FANCC: variants seen among roughly 807,000 people sequenced by gnomAD.
FANCC encodes FA complementation group C.
Under a neutral mutation model 71.3 loss-of-function variants are expected in FANCC, and 55 were observed. That is an observed-to-expected ratio of 0.77 (90% CI 0.62 to 0.97). FANCC has a LOEUF of 0.97. FANCC is among the 50% of genes least tolerant of loss of function. The pLI is 0.00. For missense variants in FANCC, 678 were observed against 670.9 expected (o/e 1.01, Z -0.12); for synonymous variants, 275 against 244.9 (o/e 1.12, Z -1.15).
Position 95,099,156 on chromosome 9 carries a change from T to C in FANCC, c.*2551A>G, listed in dbSNP as rs1333055170. 9.2e-6 allele frequency: 2 copies of C among 216,446 alleles called. No homozygotes were observed. The highest frequency in any genetic ancestry group is 4.5e-5 in the African/African-American group (2 of 44,318). The allele number at this position is 216,446 out of a possible 1,614,324, so 13.4% of individuals were successfully genotyped here. A position where few individuals can be genotyped will look rare whatever the true frequency, so the allele number is the denominator to read the frequency against. ...ACAGATGTCACGGAGTCCAGGGGAA[T>C]AACAGCCTGGTTGGAGGGGCGCTCT... On this transcript the variant is annotated 3_prime_UTR_variant, in exon 15 of 15. Transcript: ENST00000289081.
chr9:95,189,532 G>T (rs1041313504), intron 4 of FANCC, among the ~76,000 whole-genome samples: 3 of 152,112 alleles, frequency 2.0e-5, no homozygotes, highest in Non-Finnish European at 2.9e-5. Context: ...TAGTTCCGGG[G>T]GGGGAAATAG....
At chr9:95,195,645 A>G (rs1827408126) in intron 4 of FANCC, among the ~76,000 whole-genome samples, 1 of 152,228 alleles carries the variant, frequency 6.6e-6, no homozygotes, top group Non-Finnish European at 1.5e-5. Context: ...TATGAATATA[A>G]AAAGCCTTGC....
intron 4 of FANCC, among the ~76,000 whole-genome samples, chr9:95,204,917 G>C (rs1828025980): frequency 6.6e-6 from 1 of 152,110 alleles, no homozygotes; most frequent in Admixed American, 6.5e-5. Flanking sequence ...GCCCAAAATA[G>C]CTTCAAAATA....
In FANCC at chr9:95,240,847, C is replaced by A. The variant is rs533370573; in HGVS notation, c.251-104G>T. ...GGAAAATCTCAAACTACTAAGTTCA[C>A]AGAACAAGTATCCCTGAATATAACA... On this transcript the variant is annotated intron_variant, in intron 3 of 14. Transcript: ENST00000289081. 6.2e-5 allele frequency: 45 copies of A among 722,738 alleles called. No homozygotes were observed. The African/African-American group carries it at 7.4e-4, about 12-fold the overall frequency. 44.8% of individuals were successfully genotyped at this position (722,738 alleles called of 1,614,324 possible).
At chr9:95,125,002 GA>G (rs1825755160) in intron 10 of FANCC, 83 bp downstream of exon 10, 2 of 1,178,286 alleles carry the variant, frequency 1.7e-6, no homozygotes, top group East Asian at 4.8e-5. Context: ...CAAAATTATT[GA>G]AAATAAAGTG....
At chr9:95,282,288 A>G (rs1416151304) in intron 1 of FANCC, among the ~76,000 whole-genome samples, 1 of 152,188 alleles carries the variant, frequency 6.6e-6, no homozygotes, top group Admixed American at 6.5e-5. Context: ...ACTTTAAGTC[A>G]TCTGTAAATA....
At chr9:95,276,136 C>A (rs1037247917) in intron 1 of FANCC, among the ~76,000 whole-genome samples, 1 of 152,156 alleles carries the variant, frequency 6.6e-6, no homozygotes, top group Non-Finnish European at 1.5e-5. Flanking sequence ...ACTCTCCAAC[C>A]ACCAGGAAAC....
intron 1 of FANCC, among the ~76,000 whole-genome samples, chr9:95,290,566 A>T (rs1347434422): frequency 6.6e-6 from 1 of 152,228 alleles, no homozygotes; most frequent in Non-Finnish European, 1.5e-5. Flanking sequence ...AGGGTTATTA[A>T]GCCAACTACC....
chr9:95,128,611 C>T (rs1004868869), intron 8 of FANCC, among the ~76,000 whole-genome samples: 1 of 152,146 alleles, frequency 6.6e-6, no homozygotes, highest in Admixed American at 6.5e-5. Context: ...ACAGCTCTTA[C>T]TCAGTTTGTT....
intron 7 of FANCC, among the ~76,000 whole-genome samples, chr9:95,139,782 G>A (rs1256269901): frequency 1.3e-5 from 2 of 148,838 alleles, no homozygotes; most frequent in Admixed American, 6.7e-5. Flanking sequence ...AACATTTTCT[G>A]TATATGCCTT....
At chr9:95,190,005 G>A (rs1209136028) in intron 4 of FANCC, among the ~76,000 whole-genome samples, 3 of 152,130 alleles carry the variant, frequency 2.0e-5, no homozygotes, top group Non-Finnish European at 1.5e-5. Flanking sequence ...CACTTCCTGA[G>A]TAATTATTTC....
intron 1 of FANCC, among the ~76,000 whole-genome samples, chr9:95,264,236 T>C (rs182267775): frequency 1.8e-4 from 28 of 152,304 alleles, no homozygotes; most frequent in Admixed American, 1.3e-3. Flanking sequence ...TGAGCATATT[T>C]TGAAACCCAC....
At chr9:95,149,583 A>G (rs1830000724) in intron 7 of FANCC, among the ~76,000 whole-genome samples, 1 of 151,808 alleles carries the variant, frequency 6.6e-6, no homozygotes, top group African/African-American at 2.4e-5. Context: ...GGTGGAAGCG[A>G]TCCTCCTGAC....
At chr9:95,163,067 G>T (rs994973744) in intron 6 of FANCC, among the ~76,000 whole-genome samples, 4 of 152,112 alleles carry the variant, frequency 2.6e-5, no homozygotes, top group African/African-American at 9.7e-5. Flanking sequence ...TACAGTTTCA[G>T]GTCTTACGTT....
intron 1 of FANCC, among the ~76,000 whole-genome samples, chr9:95,303,258 T>C (rs886436721): frequency 1.3e-5 from 2 of 152,250 alleles, no homozygotes; most frequent in Admixed American, 6.5e-5. Context: ...AACGTACCTA[T>C]TGACTATGGC....
intron 14 of FANCC, among the ~76,000 whole-genome samples, chr9:95,105,701 C>CT (rs1480721629): frequency 1.3e-5 from 2 of 152,222 alleles, no homozygotes; most frequent in Non-Finnish European, 2.9e-5. Flanking sequence ...GGACTTGACT[C>CT]TTCCAGGTGC....
At chr9:95,252,274 C>CAAAAAAAAAAAAAAAA (rs71366284) in intron 1 of FANCC, among the ~76,000 whole-genome samples, 4 of 50,126 alleles carry the variant, frequency 8.0e-5, no homozygotes, top group Admixed American at 2.8e-4. Context: ...GAGACTGATT[C>CAAAAAAAAAAAAAAAA]AAAAAAAAAA....
chr9:95,221,226 C>CA (rs796902808), intron 4 of FANCC, among the ~76,000 whole-genome samples: 62 of 152,050 alleles, frequency 4.1e-4, no homozygotes, highest in African/African-American at 1.5e-3. Flanking sequence ...AAAACAAAAA[C>CA]AAAAAGCCAC....
intron 4 of FANCC, among the ~76,000 whole-genome samples, chr9:95,219,163 T>C (rs1829069091): frequency 6.6e-6 from 1 of 152,144 alleles, no homozygotes; most frequent in Non-Finnish European, 1.5e-5. Flanking sequence ...TAGTGGCAAG[T>C]TCTGTAGTGC....
Sources: allele counts gnomAD v4.1 joint callset (sites outside exome capture counted in the v4.1 genomes callset), GRCh38; gene constraint gnomAD v4.1.1; transcripts MANE v1.5; gene names NCBI Gene and HGNC (gene_info 2026-07-23, HGNC 2026-07-21).